The following BLNK variants were observed in gnomAD, a reference collection of about 807,000 sequenced individuals.
The protein encoded by BLNK is B cell linker.
Under a neutral mutation model 73.5 loss-of-function variants are expected in BLNK, and 29 were observed. The observed-to-expected ratio is 0.39, with a 90% CI of 0.29 to 0.54. The LOEUF (loss-of-function observed/expected upper bound fraction) is 0.54, where lower values mean the gene tolerates loss of function less well. Ranked by LOEUF, BLNK falls within the 20% of genes least tolerant of loss-of-function variation. The pLI is 0.61. For synonymous variants in BLNK, 176 were observed against 200.8 expected (o/e 0.88, Z 1.04); for missense variants, 460 against 562.8 (o/e 0.82, Z 1.85).
chr10:96,230,915 C>T, intron 3 of BLNK, 81 bp from the exon 4 acceptor site: 3 of 1,438,010 alleles, frequency 2.1e-6, no homozygotes, highest in Non-Finnish European at 2.9e-6. Flanking sequence ...ACATTTCGCA[C>T]CTGCCTTCCC....
At chr10:96,249,088 C>T (rs1843170676) in intron 1 of BLNK, among the ~76,000 whole-genome samples, 2 of 152,200 alleles carry the variant, frequency 1.3e-5, no homozygotes, top group Admixed American at 1.3e-4. Flanking sequence ...CAGGTAAATG[C>T]TTCCTTTGTT....
At chr10:96,258,383 G>A (rs1449265036) in intron 1 of BLNK, among the ~76,000 whole-genome samples, 4 of 152,272 alleles carry the variant, frequency 2.6e-5, no homozygotes, top group Admixed American at 6.5e-5. Context: ...AGCTGACTCC[G>A]AATTTTGCCT....
chr10:96,254,001 A>G (rs1183530366), intron 1 of BLNK, among the ~76,000 whole-genome samples: 1 of 151,820 alleles, frequency 6.6e-6, no homozygotes, highest in Non-Finnish European at 1.5e-5. Flanking sequence ...AGCCTGGGCG[A>G]CAGAGCAAGA....
chr10:96,254,552 C>A (rs1843430764), intron 1 of BLNK, among the ~76,000 whole-genome samples: 1 of 151,950 alleles, frequency 6.6e-6, no homozygotes, highest in Admixed American at 6.6e-5. Context: ...CTCTTGTCCC[C>A]CAGGCTGGAG....
rs71034364 is a variant in BLNK at position 96,194,768 on chromosome 10, A to ATTTTTTTTTTTTTTTT, written c.1251+2124_1251+2139dup. Among the ~76,000 whole-genome samples the ATTTTTTTTTTTTTTTT allele has an allele frequency of 1.3e-3, 140 of 110,262 alleles. 5 individuals carry two copies. The highest frequency in any genetic ancestry group is 2.1e-3 in the Non-Finnish European group (114 of 55,292). 72.3% of individuals were successfully genotyped at this position (110,262 alleles called of 152,430 possible). A position where few individuals can be genotyped will look rare whatever the true frequency, so the allele number is the denominator to read the frequency against. Reference sequence around the variant, plus strand: ...ATCACTAATCATCAGAGAAATGCAAATTTTTTTTTTTTTTTTTTTTGAGAC... The same window carrying ATTTTTTTTTTTTTTTT: ...ATCACTAATCATCAGAGAAATGCAAATTTTTTTTTTTTTTTTTTTTTTTTTTTTTTTTTTTTGAGAC... On this transcript the variant is annotated intron_variant, in intron 16 of 16. Coordinates refer to ENST00000224337, the MANE Select transcript of BLNK (RefSeq NM_013314.4).
At position 96,247,007 on chromosome 10, in the gene BLNK, A is replaced by G; in HGVS notation, c.90T>C (p.Gly30=). 1 of 1,607,652 alleles carries G rather than the reference A, an allele frequency of 6.2e-7. No individual in the cohort carries two copies. The highest frequency in any genetic ancestry group is 8.5e-7 in the Non-Finnish European group (1 of 1,176,190). ...ACTTTTTGATTTTATTCATTATTCCACCTTCATTGTTTTTAATATCATGGA... is the reference window on the plus strand; with the variant it reads ...ACTTTTTGATTTTATTCATTATTCCGCCTTCATTGTTTTTAATATCATGGA... The part of the protein sequence containing the change: ...KMVHDIKNNE[G]GIMNKIKKLK... The change falls in exon 2 of 17, where the codon GGT becomes GGC. Residue 30 remains glycine, a synonymous_variant. Transcript: ENST00000224337.
At chr10:96,207,944 CA>C in intron 9 of BLNK, 45 bp from the exon 10 acceptor site, 1 of 1,586,732 alleles carries the variant, frequency 6.3e-7, no homozygotes, top group Non-Finnish European at 8.7e-7. Context: ...ACAACGAAGA[CA>C]AAATGGAGCT....
chr10:96,248,669 ATCT>A (rs766769516), intron 1 of BLNK, among the ~76,000 whole-genome samples: 7 of 152,182 alleles, frequency 4.6e-5, no homozygotes, highest in Non-Finnish European at 7.4e-5. Context: ...GAACTCTCTA[ATCT>A]TCTCCCTGCT....
chr10:96,255,782 AGCAGGGCCCTCCC>A (rs1447895985), intron 1 of BLNK, among the ~76,000 whole-genome samples: 5 of 152,182 alleles, frequency 3.3e-5, no homozygotes, highest in Non-Finnish European at 7.3e-5. Context: ...AGCAGCTGGC[AGCAGGGCCCTCCC>A]ATCCATGCTG....
At chr10:96,261,491 G>T (rs769282450) in intron 1 of BLNK, among the ~76,000 whole-genome samples, 1 of 152,150 alleles carries the variant, frequency 6.6e-6, no homozygotes, top group African/African-American at 2.4e-5. Flanking sequence ...CATGCTAAGA[G>T]GTTGTTAATA....
intron 6 of BLNK, among the ~76,000 whole-genome samples, chr10:96,217,496 C>A (rs988795788): frequency 3.3e-5 from 5 of 152,174 alleles, no homozygotes; most frequent in Non-Finnish European, 7.4e-5. Context: ...TTATTACAGC[C>A]ATCCTTGTGT....
rs1554895851 is a variant in BLNK at position 96,200,448 on chromosome 10, G to T, written c.1012-290C>A. 6.6e-6 allele frequency among the ~76,000 whole-genome samples: 1 copy of T among 151,302 alleles called. No individual in the cohort carries two copies. The highest frequency in any genetic ancestry group is 1.5e-5 in the Non-Finnish European group (1 of 67,910). ...ATTGTGCTCTTATTGCTCTTACTTT[G>T]TGGAGTGCTTTACAATTTCCAAAGC... On this transcript the variant is annotated intron_variant, in intron 14 of 16. Coordinates refer to ENST00000224337, the MANE Select transcript of BLNK (RefSeq NM_013314.4). The surrounding 1 kb of genome is among the most constrained non-coding windows in gnomAD (Gnocchi z 4.3).
At chr10:96,194,351 C>A (rs1369291903) in intron 16 of BLNK, among the ~76,000 whole-genome samples, 1 of 152,070 alleles carries the variant, frequency 6.6e-6, no homozygotes, top group Non-Finnish European at 1.5e-5. Context: ...TTAAAATTAT[C>A]TGAGACTTTG....
chr10:96,264,893 A>T (rs1658473244), intron 1 of BLNK, among the ~76,000 whole-genome samples: 1 of 152,124 alleles, frequency 6.6e-6, no homozygotes, highest in Non-Finnish European at 1.5e-5. Context: ...CTTTTATCCA[A>T]TGTCCTTAGG....
intron 16 of BLNK, among the ~76,000 whole-genome samples, chr10:96,192,871 C>A (rs587746245): frequency 6.6e-6 from 1 of 152,274 alleles, no homozygotes; most frequent in Non-Finnish European, 1.5e-5. Flanking sequence ...TATTTAGAAT[C>A]ACTTTTTAAA....
At position 96,238,981 on chromosome 10, in the gene BLNK, G is replaced by A. The variant is rs868931938; in HGVS notation, c.163+3754C>T. 3 of 396,282 alleles carry A rather than the reference G, an allele frequency of 7.6e-6. No homozygotes were observed. The East Asian group carries it at 1.1e-4, about 14-fold the overall frequency. 24.5% of individuals were successfully genotyped at this position (396,282 alleles called of 1,614,324 possible). ...TAAATTCTGATCCAGTAGTTCTAGG[G>A]TGGGGCCAAGATTCTGCATTTCTAA... is the stretch of plus-strand genomic sequence containing the variant. On this transcript the variant is annotated intron_variant, in intron 3 of 16. Transcript: ENST00000224337.
At chr10:96,212,614 A>C (rs1180923008) in intron 8 of BLNK, among the ~76,000 whole-genome samples, 1 of 152,180 alleles carries the variant, frequency 6.6e-6, no homozygotes, top group East Asian at 1.9e-4. Flanking sequence ...CTGTCACTGC[A>C]CCAGATTTAC....
intron 6 of BLNK, 72 bp downstream of exon 6, chr10:96,223,754 G>C: frequency 5.2e-6 from 8 of 1,539,970 alleles, no homozygotes; most frequent in Non-Finnish European, 5.4e-6. Flanking sequence ...ACAGCCAGCG[G>C]GCAGGCTGTC....
chr10:96,190,208 C>A lies in BLNK; in HGVS notation c.*1765G>T, dbSNP rs868910146. 7 of 770,812 alleles carry A rather than the reference C, an allele frequency of 9.1e-6. No individual in the cohort carries two copies. Among genetic ancestry groups the A allele is most frequent in the Non-Finnish European group, 9.3e-6 (4 of 428,622 alleles). 47.7% of individuals were successfully genotyped at this position (770,812 alleles called of 1,614,324 possible). A position where few individuals can be genotyped will look rare whatever the true frequency, so the allele number is the denominator to read the frequency against. On this transcript the variant is annotated 3_prime_UTR_variant, in exon 17 of 17. Coordinates refer to ENST00000224337, the MANE Select transcript of BLNK (RefSeq NM_013314.4). ...TCAGGGGGCTCACGTCCATGTCCAT[C>A]GAATCTTCCATCAGGTGGCGGCACA...
Sources: allele counts gnomAD v4.1 joint callset (sites outside exome capture counted in the v4.1 genomes callset), GRCh38; gene constraint gnomAD v4.1.1; non-coding constraint Gnocchi (gnomAD v3.1); transcripts MANE v1.5; gene names NCBI Gene and HGNC (gene_info 2026-07-23, HGNC 2026-07-21).